The following RAPGEF2 variants were observed in gnomAD, a reference collection of about 807,000 sequenced individuals.
RAPGEF2 encodes the protein PDZ domain containing guanine nucleotide exchange factor (GEF) 1.
Under a neutral mutation model 186.7 loss-of-function variants are expected in RAPGEF2, and 54 were observed. The ratio of observed to expected loss-of-function variants is 0.29; its 90% CI spans 0.23 to 0.36. RAPGEF2 has a LOEUF of 0.36. Ranked by LOEUF, RAPGEF2 falls within the 10% of genes least tolerant of loss-of-function variation. The probability of loss-of-function intolerance (pLI) is 1.00; values close to 1 mark genes in which losing one functional copy is unlikely to be tolerated. For synonymous variants in RAPGEF2, 712 were observed against 705.9 expected (o/e 1.01, Z -0.14); for missense variants, 1,532 against 2,045.0 (o/e 0.75, Z 4.84).
In RAPGEF2 at chr4:159,145,469, C is replaced by G. The variant is rs1303207473; in HGVS notation, c.70-41173C>G. On this transcript the variant is annotated intron_variant, in intron 1 of 29. Transcript: ENST00000691494. ...TATAACAGCGTATTGAGATAATTTA[C>G]CAAAAACATTGCCAAAACATTGCCA... Among the ~76,000 whole-genome samples the G allele has an allele frequency of 4.6e-5, 7 of 150,578 alleles. No individual in the cohort carries two copies. In the East Asian group the frequency reaches 1.4e-3, roughly 29 times the overall value.
intron 7 of RAPGEF2, among the ~76,000 whole-genome samples, chr4:159,254,760 C>A (rs1755936098): frequency 6.6e-6 from 1 of 152,074 alleles, no homozygotes; most frequent in Non-Finnish European, 1.5e-5. Flanking sequence ...AGGCGTGTGC[C>A]ACCACGCCTG....
In RAPGEF2 at chr4:159,269,223, A is replaced by G. The variant is rs1184957116; in HGVS notation, c.543+25432A>G. ...GTACAATTTGGTTTTGTTCATTGTT[A>G]GGAACAAAATTACTAACTAAATCCA... On this transcript the variant is annotated intron_variant, in intron 7 of 29. Transcript: ENST00000691494. Among the ~76,000 whole-genome samples, 4 of 152,194 alleles carry G rather than the reference A, an allele frequency of 2.6e-5. No individual in the cohort carries two copies. The East Asian group carries it at 5.8e-4, about 22-fold the overall frequency.
intron 4 of RAPGEF2, among the ~76,000 whole-genome samples, chr4:159,221,185 T>C (rs1278327265): frequency 1.3e-5 from 2 of 152,236 alleles, no homozygotes; most frequent in Non-Finnish European, 1.5e-5. Context: ...CCAATTTTTC[T>C]CTCACAGAAA....
At chr4:159,163,333 T>C (rs1744922356) in intron 1 of RAPGEF2, among the ~76,000 whole-genome samples, 1 of 152,192 alleles carries the variant, frequency 6.6e-6, no homozygotes, top group East Asian at 1.9e-4. Flanking sequence ...GAGATGATCA[T>C]GGAGACATTT....
intron 9 of RAPGEF2, among the ~76,000 whole-genome samples, chr4:159,315,739 G>C (rs1476054377): frequency 1.3e-5 from 2 of 152,214 alleles, no homozygotes; most frequent in African/African-American, 2.4e-5. Flanking sequence ...AGGAGACAAA[G>C]AGAAAGACAG....
intron 1 of RAPGEF2, among the ~76,000 whole-genome samples, chr4:159,162,532 A>G (rs115090152): frequency 0.021 from 3,198 of 152,260 alleles, 118 homozygotes; most frequent in African/African-American, 0.072. Context: ...TGTTGTATAT[A>G]TTAATGAACC....
At chr4:159,149,231 CAGATT>C (rs1467903521) in intron 1 of RAPGEF2, among the ~76,000 whole-genome samples, 1 of 152,124 alleles carries the variant, frequency 6.6e-6, no homozygotes, top group Non-Finnish European at 1.5e-5. Flanking sequence ...TTTGTGGACA[CAGATT>C]TAAAGTTTTA....
chr4:159,257,263 A>C (rs1190129607), intron 7 of RAPGEF2, among the ~76,000 whole-genome samples: 1 of 152,240 alleles, frequency 6.6e-6, no homozygotes, highest in Non-Finnish European at 1.5e-5. Context: ...AATTTACAAA[A>C]GAAAGATATT....
intron 1 of RAPGEF2, among the ~76,000 whole-genome samples, chr4:159,159,387 T>A (rs1744461658): frequency 6.6e-6 from 1 of 151,594 alleles, no homozygotes; most frequent in Non-Finnish European, 1.5e-5. Context: ...TATAGTGGGA[T>A]CAACCTATAG....
At chr4:159,354,810 G>C (rs867854888) in intron 28 of RAPGEF2, among the ~76,000 whole-genome samples, 1 of 152,230 alleles carries the variant, frequency 6.6e-6, no homozygotes, top group Non-Finnish European at 1.5e-5. Context: ...TGCTGCTGCT[G>C]TTCCTGTTAG....
intron 11 of RAPGEF2, among the ~76,000 whole-genome samples, chr4:159,324,144 C>A (rs191840915): frequency 9.2e-5 from 14 of 152,224 alleles, no homozygotes; most frequent in African/African-American, 3.1e-4. Flanking sequence ...ATCCACCTGC[C>A]TCAGCCTCCC....
chr4:159,180,147 G>A (rs7673204), intron 1 of RAPGEF2, among the ~76,000 whole-genome samples: 68,426 of 152,064 alleles, frequency 0.45, 16,230 homozygotes, highest in African/African-American at 0.6. Flanking sequence ...CTTGTCTTCC[G>A]TTTTCCTTTT....
chr4:159,265,885 G>C (rs1407595515), intron 7 of RAPGEF2, among the ~76,000 whole-genome samples: 1 of 152,194 alleles, frequency 6.6e-6, no homozygotes, highest in Non-Finnish European at 1.5e-5. Context: ...GTGATGGATT[G>C]ATCATGGACA....
chr4:159,333,522 T>A (rs1766987134), intron 17 of RAPGEF2, among the ~76,000 whole-genome samples: 1 of 152,200 alleles, frequency 6.6e-6, no homozygotes, highest in Non-Finnish European at 1.5e-5. Context: ...AGCACAGAAC[T>A]CCTTTCATTT....
In RAPGEF2 at chr4:159,330,550, A is replaced by G. The variant is rs754277054; in HGVS notation, c.1467+52A>G. ...TTAAATATGAAATGTAAACCTAAAG[A>G]TACTTTAATGTGTATATTTGTCACA... On this transcript the variant is annotated intron_variant, in intron 13 of 29. Coordinates refer to ENST00000691494, the MANE Select transcript of RAPGEF2 (RefSeq NM_001394067.2). The G allele has an allele frequency of 3.0e-6, 4 of 1,314,488 alleles. No homozygotes were observed. In the Admixed American group the frequency reaches 6.7e-5, roughly 22 times the overall value. The allele number at this position is 1,314,488 out of a possible 1,614,324, so 81.4% of individuals were successfully genotyped here. A position where few individuals can be genotyped will look rare whatever the true frequency, so the allele number is the denominator to read the frequency against.
chr4:159,335,390 G>T (rs1767260257), intron 17 of RAPGEF2, among the ~76,000 whole-genome samples: 1 of 152,142 alleles, frequency 6.6e-6, no homozygotes, highest in Non-Finnish European at 1.5e-5. Flanking sequence ...ATCCTAAGAG[G>T]ATGTGCCCAG....
chr4:159,261,228 T>C (rs1199566398), intron 7 of RAPGEF2, among the ~76,000 whole-genome samples: 3 of 150,516 alleles, frequency 2.0e-5, no homozygotes, highest in African/African-American at 7.5e-5. Context: ...GACTGGCTAA[T>C]TTTTTTTGTA....
intron 19 of RAPGEF2, 103 bp downstream of exon 19, chr4:159,339,457 G>T: frequency 7.4e-7 from 1 of 1,354,496 alleles, no homozygotes; most frequent in Non-Finnish European, 1.0e-6. Flanking sequence ...ATGAGTAAGT[G>T]TCCCTGCGAT....
chr4:159,191,201 CAG>C (rs1748084442), intron 2 of RAPGEF2, among the ~76,000 whole-genome samples: 1 of 129,504 alleles, frequency 7.7e-6, no homozygotes, highest in Admixed American at 7.6e-5. Context: ...CCAAAAGAGA[CAG>C]AAAAAAAAAA....
Sources: allele counts gnomAD v4.1 joint callset (sites outside exome capture counted in the v4.1 genomes callset), GRCh38; gene constraint gnomAD v4.1.1; transcripts MANE v1.5; gene names NCBI Gene and HGNC (gene_info 2026-07-23, HGNC 2026-07-21).